Variants in GK5 observed in about 807,000 individuals in gnomAD.
The protein encoded by GK5 is glycerol kinase 5.
A neutral mutation model predicts 77.3 loss-of-function variants in GK5; 39 were observed. That is an observed-to-expected ratio of 0.50 (90% confidence interval 0.39 to 0.66). GK5 has a LOEUF of 0.66. GK5 is among the 30% of genes least tolerant of loss of function. The pLI is 0.00. For missense variants in GK5, 487 were observed against 633.8 expected (o/e 0.77, Z 2.49); for synonymous variants, 211 against 208.0 (o/e 1.01, Z -0.13).
At chr3:142,166,011 A>G (rs886746922) in intron 15 of GK5, among the ~76,000 whole-genome samples, 26 of 152,382 alleles carry the variant, frequency 1.7e-4, no homozygotes, top group Middle Eastern at 3.4e-3. Context: ...GGGACACCAC[A>G]TCACTTCTAA....
At chr3:142,187,820 A>G (rs765953524) in intron 5 of GK5, 41 bp from the exon 6 acceptor site, 1 of 1,441,680 alleles carries the variant, frequency 6.9e-7, no homozygotes, top group Non-Finnish European at 9.7e-7. Flanking sequence ...AAAAAGGCTA[A>G]ATTACTAAGT....
chr3:142,184,209 C>T (rs2063734947), intron 9 of GK5, among the ~76,000 whole-genome samples: 2 of 125,866 alleles, frequency 1.6e-5, no homozygotes, highest in East Asian at 2.3e-4. Context: ...TGCAGTGAGC[C>T]GAGATCGCAC....
In GK5 at chr3:142,165,473, TG is replaced by T; in HGVS notation, c.*148del. 3.7e-6 allele frequency: 2 copies of T among 546,184 alleles called. No homozygotes were observed. Among genetic ancestry groups the T allele is most frequent in the Non-Finnish European group, 6.1e-6 (2 of 328,144 alleles). The allele number at this position is 546,184 out of a possible 1,614,324, so 33.8% of individuals were successfully genotyped here. A position where few individuals can be genotyped will look rare whatever the true frequency, so the allele number is the denominator to read the frequency against. ...AAAATAAGAGTTTTTTGTTCCGTTT[TG>T]TTTTTTTAAAAGCAATGCTTCTTAA... On this transcript the variant is annotated 3_prime_UTR_variant, in exon 16 of 16. Transcript: ENST00000392993.
chr3:142,159,355 C>CA lies in GK5; in HGVS notation c.*6266dup, dbSNP rs1355313259. On this transcript the variant is annotated 3_prime_UTR_variant, in exon 16 of 16. Transcript: ENST00000392993. ...TTCATTTAAATGGGAGTCTCTATATCATTTGTTTCCTAAACATCACGGGTA... is the reference window on the plus strand; with the variant it reads ...TTCATTTAAATGGGAGTCTCTATATCAATTTGTTTCCTAAACATCACGGGTA... 8 of 152,310 alleles carry CA rather than the reference C, an allele frequency of 5.3e-5. No individual in the cohort carries two copies. Among genetic ancestry groups the CA allele is most frequent in the Admixed American group, 2.0e-4 (3 of 15,300 alleles). The allele number at this position is 152,310 out of a possible 1,614,324, so 9.4% of individuals were successfully genotyped here.
At chr3:142,178,095 T>C (rs1236566764) in intron 11 of GK5, among the ~76,000 whole-genome samples, 1 of 151,980 alleles carries the variant, frequency 6.6e-6, no homozygotes, top group Non-Finnish European at 1.5e-5. Context: ...TGACCTCAGG[T>C]GATTCGCCCG....
intron 15 of GK5, chr3:142,170,093 C>T (rs2063518071): frequency 1.7e-6 from 1 of 589,394 alleles, no homozygotes; most frequent in Non-Finnish European, 3.1e-6. Context: ...ATTAACTGTT[C>T]TTGTCTCATA....
In GK5 at chr3:142,215,679, T is replaced by C. The variant is rs1488638862; in HGVS notation, c.161A>G (p.Tyr54Cys). ...AATTTCTACCCAGCCAATTTGAGGA[T>C]AAAGATTTTCTACCTATTAAGGAAA... ...GSSVQKVENLYPQIGWVEIDP... is the reference protein window; with the variant it reads ...GSSVQKVENLCPQIGWVEIDP... Residue 54 changes from tyrosine to cysteine, a missense_variant, in exon 2 of 16, where the codon TAT becomes TGT. By Grantham distance (194) the Tyr-to-Cys change is radical (BLOSUM62 -2). This residue lies in a region of GK5 where 97 missense variants were observed against 86.9 expected (regional missense o/e 1.12). Coordinates refer to ENST00000392993, the MANE Select transcript of GK5 (RefSeq NM_001039547.3). The C allele has an allele frequency of 6.4e-7, 1 of 1,570,628 alleles. No homozygotes were observed. The highest frequency in any genetic ancestry group is 1.1e-5 in the South Asian group (1 of 88,326).
rs777061044 is a variant in GK5 at position 142,186,271 on chromosome 3, A to T, written c.682-4T>A. The T allele has an allele frequency of 1.3e-6, 2 of 1,589,586 alleles. No individual in the cohort carries two copies. The highest frequency in any genetic ancestry group is 4.5e-5 in the East Asian group (2 of 44,704). On this transcript the variant is annotated splice_polypyrimidine_tract_variant and splice_region_variant and intron_variant, in intron 7 of 15. Coordinates refer to ENST00000392993, the MANE Select transcript of GK5 (RefSeq NM_001039547.3). Reference sequence around the variant, plus strand: ...TAATCATCCCACTCCAACACATCTGAGCATAAAAACGTATCATCAGAATAT... The same window carrying T: ...TAATCATCCCACTCCAACACATCTGTGCATAAAAACGTATCATCAGAATAT...
chr3:142,167,247 G>A (rs1259109947), intron 15 of GK5, among the ~76,000 whole-genome samples: 2 of 151,894 alleles, frequency 1.3e-5, no homozygotes, highest in Non-Finnish European at 2.9e-5. Context: ...GGTGGCACGC[G>A]CCTATAGTCT....
intron 11 of GK5, among the ~76,000 whole-genome samples, chr3:142,180,574 T>G (rs2063682827): frequency 6.6e-6 from 1 of 152,190 alleles, no homozygotes. Flanking sequence ...AGTGCTGGGA[T>G]TACAGGCGTG....
chr3:142,173,237 T>C (rs1469216918), intron 12 of GK5: 1 of 424,186 alleles, frequency 2.4e-6, no homozygotes, highest in Non-Finnish European at 4.7e-6. Flanking sequence ...TCTTCTCTCT[T>C]AGCTTAATAG....
chr3:142,164,598 T>A lies in GK5; in HGVS notation c.*1024A>T, dbSNP rs1181577855. ...ACACACTCTCCTCCCTTCTATCAGC[T>A]GTCCCCCACACATACTCACAGGGAT... On this transcript the variant is annotated 3_prime_UTR_variant, in exon 16 of 16. Transcript: ENST00000392993. The A allele has an allele frequency of 6.6e-6, 1 of 152,236 alleles. No individual in the cohort carries two copies. Among genetic ancestry groups the A allele is most frequent in the Non-Finnish European group, 1.5e-5 (1 of 68,064 alleles). The allele number at this position is 152,236 out of a possible 1,614,324, so 9.4% of individuals were successfully genotyped here. A position where few individuals can be genotyped will look rare whatever the true frequency, so the allele number is the denominator to read the frequency against.
At position 142,225,524 on chromosome 3, in the gene GK5, G is replaced by C. The variant is rs1409226135; in HGVS notation, c.-69C>G. ...GCGCGCTACAAATCCCAATGCTCCA[G>C]AGTCCCCGGGCGGCCCAACCCGGGC... On this transcript the variant is annotated 5_prime_UTR_variant, in exon 1 of 16. Coordinates refer to ENST00000392993, the MANE Select transcript of GK5 (RefSeq NM_001039547.3). 3.3e-6 allele frequency: 5 copies of C among 1,537,246 alleles called. No homozygotes were observed. The Admixed American group carries it at 5.8e-5, about 18-fold the overall frequency.
chr3:142,212,940 T>C (rs9865226), intron 3 of GK5, among the ~76,000 whole-genome samples: 106,254 of 149,556 alleles, frequency 0.71, 38,400 homozygotes, highest in African/African-American at 0.84. Context: ...GTTCACGCCA[T>C]TCTCCTGCCT....
intron 4 of GK5, among the ~76,000 whole-genome samples, chr3:142,199,269 G>A (rs1335957911): frequency 1.3e-5 from 2 of 151,984 alleles, no homozygotes; most frequent in East Asian, 3.9e-4. Context: ...TAGGAAGGAG[G>A]CTATATTTGT....
chr3:142,213,727 A>T (rs1329757677), intron 2 of GK5, 126 bp from the exon 3 acceptor site: 3 of 612,646 alleles, frequency 4.9e-6, no homozygotes, highest in Non-Finnish European at 8.6e-6. Flanking sequence ...GCATTCTAAC[A>T]AAACAACTGG....
chr3:142,203,066 T>A (rs1373467807), intron 4 of GK5, among the ~76,000 whole-genome samples: 1 of 152,158 alleles, frequency 6.6e-6, no homozygotes. Flanking sequence ...GAATGTTTGA[T>A]GAACTATTAA....
intron 3 of GK5, among the ~76,000 whole-genome samples, chr3:142,209,246 T>G (rs2064158014): frequency 6.6e-6 from 1 of 152,124 alleles, no homozygotes. Flanking sequence ...GCAATGGATC[T>G]CAGCTCTGAA....
At chr3:142,214,067 G>A (rs1045830641) in intron 2 of GK5, among the ~76,000 whole-genome samples, 3 of 152,088 alleles carry the variant, frequency 2.0e-5, no homozygotes, top group South Asian at 4.1e-4. Flanking sequence ...CGGGTGATCC[G>A]CCCACCTTGG....
Sources: allele counts gnomAD v4.1 joint callset (sites outside exome capture counted in the v4.1 genomes callset), GRCh38; gene constraint gnomAD v4.1.1; regional missense constraint gnomAD v4.1.1; transcripts MANE v1.5; gene names NCBI Gene and HGNC (gene_info 2026-07-23, HGNC 2026-07-21).